The following ZIM2 variants were observed in gnomAD, a reference collection of about 807,000 sequenced individuals.
ZIM2 encodes zinc finger imprinted 2.
A neutral mutation model predicts 38.6 loss-of-function variants in ZIM2; 14 were observed. That is an observed-to-expected ratio of 0.36 (90% CI 0.24 to 0.57). The LOEUF (loss-of-function observed/expected upper bound fraction) is 0.57. Ranked by LOEUF, ZIM2 falls within the 20% of genes least tolerant of loss-of-function variation. The pLI, the probability that ZIM2 is intolerant of heterozygous loss-of-function variation, is 0.81. For synonymous variants in ZIM2, 247 were observed against 245.8 expected (o/e 1.00, Z -0.04); for missense variants, 680 against 695.1 (o/e 0.98, Z 0.24).
At chr19:56,817,191 T>C (rs568261099) in intron 9 of ZIM2, 1 of 1,614,230 alleles carries the variant, frequency 6.2e-7, no homozygotes, top group East Asian at 2.2e-5. Context: ...CACTACCACA[T>C]TCAAAGGGCT....
intron 9 of ZIM2, among the ~76,000 whole-genome samples, chr19:56,797,285 G>C (rs975837188): frequency 4.0e-5 from 6 of 151,764 alleles, no homozygotes; most frequent in South Asian, 2.1e-4. Flanking sequence ...CTGGGCAACA[G>C]AGTGAGACTA....
At chr19:56,834,344 G>T (rs2061865364) in intron 2 of ZIM2, among the ~76,000 whole-genome samples, 1 of 152,100 alleles carries the variant, frequency 6.6e-6, no homozygotes, top group African/African-American at 2.4e-5. Context: ...TGACAACATG[G>T]CTGTACCAGG....
chr19:56,809,926 G>A (rs1010320018), intron 9 of ZIM2, among the ~76,000 whole-genome samples: 1 of 152,156 alleles, frequency 6.6e-6, no homozygotes. Flanking sequence ...TCCCTTAGAA[G>A]TAATTGTTGA....
chr19:56,820,297 CA>C (rs1248530745), intron 7 of ZIM2, among the ~76,000 whole-genome samples: 1 of 152,214 alleles, frequency 6.6e-6, no homozygotes, highest in Non-Finnish European at 1.5e-5. Context: ...TGTACACCTT[CA>C]AAATGTAATT....
intron 1 of ZIM2, among the ~76,000 whole-genome samples, chr19:56,837,653 C>T (rs140970683): frequency 1.3e-5 from 2 of 152,362 alleles, no homozygotes; most frequent in Non-Finnish European, 2.9e-5. Flanking sequence ...CACGCCAGTG[C>T]AGCCCGCGGT....
intron 9 of ZIM2, chr19:56,815,849 T>A: frequency 6.2e-7 from 1 of 1,613,762 alleles, no homozygotes; most frequent in South Asian, 1.1e-5. Context: ...AGGTCTGAGA[T>A]ATAAATGGAG....
At chr19:56,817,566 CAT>C in intron 9 of ZIM2, 178 bp downstream of exon 9, 1 of 1,590,944 alleles carries the variant, frequency 6.3e-7, no homozygotes, top group Non-Finnish European at 8.6e-7. Context: ...TGGCTTCAGG[CAT>C]AGTTTTTAGA....
At position 56,821,660 on chromosome 19, in the gene ZIM2, G is replaced by A. The variant is rs149324923; in HGVS notation, c.285C>T (p.Ser95=). 1.2e-6 allele frequency: 2 copies of A among 1,613,888 alleles called. No individual in the cohort carries two copies. The highest frequency in any genetic ancestry group is 2.2e-5 in the East Asian group (1 of 44,870). The change falls in exon 7 of 13, where the codon TCC becomes TCT. Residue 95 remains serine (S), a synonymous_variant. Coordinates refer to ENST00000629319, the MANE Select transcript of ZIM2 (RefSeq NM_001387356.1). ...GGAAACCTGAGCATACCTGAGATCG[G>A]GACTCATAAGCCCTGGAGTCCCTGT... ...EDDRDSRAYE[S]RSQDAESYQN...
Position 56,824,437 on chromosome 19 carries a change from A to T in ZIM2, c.-150-10T>A, listed in dbSNP as rs765581136. 1.2e-6 allele frequency: 2 copies of T among 1,614,116 alleles called. No homozygotes were observed. Among genetic ancestry groups the T allele is most frequent in the Admixed American group, 3.3e-5 (2 of 60,030 alleles). The stretch of plus-strand genomic sequence containing the variant: ...TGGTGCGGGTCTCCGGCTGCAACCA[A>T]TCGAGGCAGAGGTTTCGGAGTTTGA... On this transcript the variant is annotated splice_polypyrimidine_tract_variant and intron_variant, in intron 3 of 12. Transcript: ENST00000629319.
At chr19:56,836,969 CAAAAAAAAAAAAAAAAAAAA>C (rs573566620) in intron 1 of ZIM2, among the ~76,000 whole-genome samples, 6 of 116,972 alleles carry the variant, frequency 5.1e-5, no homozygotes, top group Admixed American at 8.4e-5. Flanking sequence ...GACTCTGTCT[CAAAAAAAAAAAAAAAAAAAA>C]AAAAAAAAAA....
chr19:56,839,246 A>AT (rs2062643486), intron 1 of ZIM2, among the ~76,000 whole-genome samples: 5 of 148,366 alleles, frequency 3.4e-5, no homozygotes, highest in Admixed American at 6.8e-5. Context: ...CTGCGCAGCA[A>AT]ACTCCAGCAG....
Position 56,775,077 on chromosome 19 carries a change from G to A in ZIM2, c.1288C>T (p.Leu430Phe). 6.2e-7 allele frequency: 1 copy of A among 1,614,140 alleles called. No homozygotes were observed. Among genetic ancestry groups the A allele is most frequent in the Non-Finnish European group, 8.5e-7 (1 of 1,180,038 alleles). The change falls in exon 13 of 13, where the codon CTC becomes TTC. Residue 430 changes from leucine to phenylalanine, a missense_variant. Leu to Phe is a conservative substitution (Grantham distance 22, BLOSUM62 0). Transcript: ENST00000629319. ...CTGTGAATTCTTACACGTTCACAGA[G>A]ATTCGCACACTGGACGGAAGGCTTT... ...GRKPSVQCAN[L>F]CERVRIHSQE...
At chr19:56,838,895 GC>G (rs2062567130) in intron 1 of ZIM2, among the ~76,000 whole-genome samples, 1 of 152,124 alleles carries the variant, frequency 6.6e-6, no homozygotes, top group Admixed American at 6.5e-5. Context: ...AACCGCAGCC[GC>G]CCCGATCAAA....
chr19:56,819,372 T>C (rs1414640317), intron 7 of ZIM2, among the ~76,000 whole-genome samples: 1 of 152,250 alleles, frequency 6.6e-6, no homozygotes, highest in Non-Finnish European at 1.5e-5. Flanking sequence ...TCTGTCTTAA[T>C]GGATATTTAC....
intron 12 of ZIM2, among the ~76,000 whole-genome samples, chr19:56,776,472 T>G (rs2046016046): frequency 6.6e-6 from 1 of 152,206 alleles, no homozygotes; most frequent in Admixed American, 6.5e-5. Flanking sequence ...TAAAGTGATC[T>G]TGCTATGAAA....
rs530311252 is a variant in ZIM2, at chr19:56,839,993, C to T, written c.-314+589G>A. ...AAGAAAACCCCTACAGGCAGGACAG[C>T]CCTTCGCCCCTCCCACCACCACTGC... On this transcript the variant is annotated intron_variant, in intron 1 of 12. Transcript: ENST00000629319. 1.8e-3 allele frequency among the ~76,000 whole-genome samples: 267 copies of T among 152,348 alleles called. 2 individuals carry two copies. The highest frequency in any genetic ancestry group is 6.1e-3 in the African/African-American group (253 of 41,594).
chr19:56,820,359 T>A lies in ZIM2; in HGVS notation c.294+1292A>T, dbSNP rs186697418. Among the ~76,000 whole-genome samples the A allele has an allele frequency of 2.3e-3, 358 of 152,366 alleles. 3 individuals carry two copies. Among genetic ancestry groups the A allele is most frequent in the African/African-American group, 7.6e-3 (316 of 41,588 alleles). ...ACCATACTGAGTCAGTAGGAATCAG[T>A]AGCTTCCAGACTTTTAATTATGCAG... On this transcript the variant is annotated intron_variant, in intron 7 of 12. Coordinates refer to ENST00000629319, the MANE Select transcript of ZIM2 (RefSeq NM_001387356.1).
In ZIM2 at chr19:56,793,930, G is replaced by C. The variant is rs145491326; in HGVS notation, c.491-3979C>G. On this transcript the variant is annotated intron_variant, in intron 9 of 12. Transcript: ENST00000629319. ...AATAGTGGCTGCTGTTGGGGGGAAG[G>C]GTGGTAATGACTGGAACCAGGCATT... Among the ~76,000 whole-genome samples, 197 of 152,248 alleles carry C rather than the reference G, an allele frequency of 1.3e-3. 2 individuals carry two copies. The highest frequency in any genetic ancestry group is 4.2e-3 in the African/African-American group (176 of 41,528).
chr19:56,824,046 G>T (rs569593199), intron 4 of ZIM2, among the ~76,000 whole-genome samples: 1 of 152,100 alleles, frequency 6.6e-6, no homozygotes, highest in African/African-American at 2.4e-5. Flanking sequence ...AGGTTTTGGC[G>T]ACCAGGGGAT....
Sources: allele counts gnomAD v4.1 joint callset (sites outside exome capture counted in the v4.1 genomes callset), GRCh38; gene constraint gnomAD v4.1.1; transcripts MANE v1.5; gene names NCBI Gene and HGNC (gene_info 2026-07-23, HGNC 2026-07-21).